KCNH7: variants seen among roughly 807,000 people sequenced by gnomAD.
The protein encoded by KCNH7 is potassium voltage-gated channel subfamily H member 7, also known as voltage-gated inwardly rectifying potassium channel KCNH7.
Under a neutral mutation model 120.8 loss-of-function variants are expected in KCNH7, and 49 were observed. The observed-to-expected ratio is 0.41, with a 90% CI of 0.32 to 0.51. The LOEUF is 0.51. Among genes scored for constraint, KCNH7 ranks in the 20% least tolerant of loss-of-function variants. The pLI is 0.38. For synonymous variants in KCNH7, 547 were observed against 516.1 expected (o/e 1.06, Z -0.81); for missense variants, 1,097 against 1,446.6 (o/e 0.76, Z 3.92).
At chr2:162,666,690 T>C (rs946391803) in intron 2 of KCNH7, among the ~76,000 whole-genome samples, 1 of 152,182 alleles carries the variant, frequency 6.6e-6, no homozygotes, top group Non-Finnish European at 1.5e-5. Flanking sequence ...AAGCACCTTA[T>C]CAAATTTTAC....
In KCNH7 at chr2:162,576,158, G is replaced by A. The variant is rs138302039; in HGVS notation, c.308-39078C>T. Among the ~76,000 whole-genome samples the A allele has an allele frequency of 5.2e-3, 785 of 152,168 alleles. 10 individuals carry two copies. Among genetic ancestry groups the A allele is most frequent in the African/African-American group, 0.018 (748 of 41,554 alleles). The stretch of plus-strand genomic sequence containing the variant: ...TAACTTGTATTTATTTTTAATTGAT[G>A]TGAAGAATTCAAATCCTCTCATAAA... On this transcript the variant is annotated intron_variant, in intron 2 of 15. Transcript: ENST00000332142.
chr2:162,694,573 A>G (rs1319796117), intron 2 of KCNH7, among the ~76,000 whole-genome samples: 1 of 151,980 alleles, frequency 6.6e-6, no homozygotes, highest in East Asian at 1.9e-4. Context: ...CTGATGTCAC[A>G]TTCTCTGGGA....
intron 5 of KCNH7, among the ~76,000 whole-genome samples, chr2:162,508,766 G>T (rs994004163): frequency 2.0e-5 from 3 of 151,492 alleles, no homozygotes; most frequent in African/African-American, 7.3e-5. Flanking sequence ...CTTGGTTGAG[G>T]ATTTAAAGGT....
intron 2 of KCNH7, among the ~76,000 whole-genome samples, chr2:162,654,694 C>A (rs1003207600): frequency 6.6e-6 from 1 of 152,086 alleles, no homozygotes; most frequent in Admixed American, 6.6e-5. Context: ...GATATCTGCA[C>A]TCCCTTGGTC....
chr2:162,517,871 T>C lies in KCNH7; in HGVS notation c.751A>G (p.Met251Val). ...KRQWDRLYPD[M>V]LQSSSQLSHS... ...GACAGCTGGGAACTTGACTGCAGCA[T>C]GTCAGGGTAGAGTCGGTCCCATTGC... Residue 251 changes from methionine (M) to valine (V), a missense_variant, in exon 4 of 16, where the codon ATG (methionine) becomes GTG (valine). Physicochemically the swap from Met to Val is conservative, Grantham distance 21. Coordinates refer to ENST00000332142, the MANE Select transcript of KCNH7 (RefSeq NM_033272.4). 6.2e-7 allele frequency: 1 copy of C among 1,612,432 alleles called. No individual in the cohort carries two copies. Among genetic ancestry groups the C allele is most frequent in the Non-Finnish European group, 8.5e-7 (1 of 1,178,944 alleles).
At chr2:162,663,115 A>G (rs1167067212) in intron 2 of KCNH7, among the ~76,000 whole-genome samples, 1 of 152,220 alleles carries the variant, frequency 6.6e-6, no homozygotes, top group African/African-American at 2.4e-5. Flanking sequence ...CCTAGTTGTT[A>G]TTAAGGTTGT....
rs112533581 is a variant in KCNH7 at position 162,520,618 on chromosome 2, A to C, written c.464-2460T>G. Among the ~76,000 whole-genome samples the C allele has an allele frequency of 2.2e-3, 333 of 151,708 alleles. 1 individual carries two copies. The highest frequency in any genetic ancestry group is 7.2e-3 in the African/African-American group (296 of 41,356). ...CTCTATAAAAAAACAACAACAACAA[A>C]AAAAACTAGGTATGGTGGCATATGC... On this transcript the variant is annotated intron_variant, in intron 3 of 15. Transcript: ENST00000332142.
chr2:162,384,268 T>C (rs2105411425), intron 13 of KCNH7, among the ~76,000 whole-genome samples: 1 of 152,134 alleles, frequency 6.6e-6, no homozygotes, highest in African/African-American at 2.4e-5. Context: ...GATTGGCATG[T>C]ATTATAGTGT....
chr2:162,467,211 G>A (rs542705985), intron 6 of KCNH7, among the ~76,000 whole-genome samples: 1 of 152,326 alleles, frequency 6.6e-6, no homozygotes, highest in South Asian at 2.1e-4. Context: ...AGAAGGTGAA[G>A]TGATTCTTTC....
chr2:162,430,069 T>C (rs894740620), intron 8 of KCNH7, among the ~76,000 whole-genome samples: 1 of 151,948 alleles, frequency 6.6e-6, no homozygotes, highest in Non-Finnish European at 1.5e-5. Flanking sequence ...AAGTTAGATG[T>C]TCTTGCAGGA....
At chr2:162,737,831 G>A (rs1279375913) in intron 2 of KCNH7, among the ~76,000 whole-genome samples, 2 of 152,076 alleles carry the variant, frequency 1.3e-5, no homozygotes, top group Non-Finnish European at 2.9e-5. Flanking sequence ...TTGGGAGGTA[G>A]AGGTGGGTGG....
chr2:162,616,547 T>C lies in KCNH7; in HGVS notation c.308-79467A>G, dbSNP rs886437424. Among the ~76,000 whole-genome samples, 6 of 152,192 alleles carry C rather than the reference T, an allele frequency of 3.9e-5. No homozygotes were observed. The South Asian group carries it at 6.2e-4, about 16-fold the overall frequency. On this transcript the variant is annotated intron_variant, in intron 2 of 15. Transcript: ENST00000332142. ...TGTAGAGTGAGTGGGTCAGATTGTA[T>C]GGTGTTTAAATTCCCTTCCAGTTTT...
At chr2:162,749,519 T>C (rs1688468691) in intron 2 of KCNH7, among the ~76,000 whole-genome samples, 1 of 152,148 alleles carries the variant, frequency 6.6e-6, no homozygotes, top group Non-Finnish European at 1.5e-5. Context: ...TAACATGTTA[T>C]GGAAGTAATG....
In KCNH7 at chr2:162,476,965, C is replaced by G. The variant is rs1689766538; in HGVS notation, c.1128+27478G>C. Among the ~76,000 whole-genome samples the G allele has an allele frequency of 1.3e-5, 2 of 152,180 alleles. 1 individual carries two copies. Among genetic ancestry groups the G allele is most frequent in the South Asian group, 4.1e-4 (2 of 4,832 alleles). ...CAGGAGCAGAAGTTGTAGCCTTGGGCATCAGATTTATTTATGTCTTAGTTA... is the reference window on the plus strand; with the variant it reads ...CAGGAGCAGAAGTTGTAGCCTTGGGGATCAGATTTATTTATGTCTTAGTTA... On this transcript the variant is annotated intron_variant, in intron 6 of 15. Coordinates refer to ENST00000332142, the MANE Select transcript of KCNH7 (RefSeq NM_033272.4).
chr2:162,654,043 C>T (rs529722292), intron 2 of KCNH7, among the ~76,000 whole-genome samples: 35 of 150,198 alleles, frequency 2.3e-4, no homozygotes, highest in East Asian at 1.2e-3. Flanking sequence ...CTAGAACTAC[C>T]GGAATAAAAC....
intron 2 of KCNH7, among the ~76,000 whole-genome samples, chr2:162,598,048 T>C (rs921118660): frequency 4.6e-5 from 7 of 152,056 alleles, no homozygotes; most frequent in Admixed American, 2.0e-4. Flanking sequence ...CCCCTTTACC[T>C]GCATTTATAC....
At chr2:162,806,844 T>C (rs1052540425) in intron 2 of KCNH7, among the ~76,000 whole-genome samples, 1 of 152,080 alleles carries the variant, frequency 6.6e-6, no homozygotes, top group East Asian at 1.9e-4. Flanking sequence ...AATGGAATTT[T>C]TTTTTAAAAA....
chr2:162,518,153 A>G lies in KCNH7; in HGVS notation c.469T>C (p.Phe157Leu). ...ILPIKTVNRKFFGFKFPGLRV... is the reference protein window; with the variant it reads ...ILPIKTVNRKLFGFKFPGLRV... Reference sequence around the variant, plus strand: ...AGACCAGGGAATTTGAACCCAAAAAATTTCCCTATAAATGGAGACAGGAGA... The same window carrying G: ...AGACCAGGGAATTTGAACCCAAAAAGTTTCCCTATAAATGGAGACAGGAGA... The change falls in exon 4 of 16, where the codon TTT becomes CTT. Residue 157 changes from phenylalanine (F) to leucine (L), a missense_variant. Transcript: ENST00000332142. 2 of 1,607,000 alleles carry G rather than the reference A, an allele frequency of 1.2e-6. No homozygotes were observed. Among genetic ancestry groups the G allele is most frequent in the South Asian group, 1.1e-5 (1 of 90,582 alleles).
intron 2 of KCNH7, among the ~76,000 whole-genome samples, chr2:162,793,961 T>C (rs1379067456): frequency 6.6e-6 from 1 of 152,020 alleles, no homozygotes; most frequent in Admixed American, 6.6e-5. Context: ...AAAAGGTAAC[T>C]ATGTGAGGTA....
Sources: gnomAD v4.1 joint callset for allele counts (sites outside exome capture counted in the v4.1 genomes callset) on GRCh38, gnomAD v4.1.1 for gene constraint, MANE v1.5 for transcripts, NCBI Gene and HGNC (gene_info 2026-07-23, HGNC 2026-07-21) for gene names.